CENPT: variants seen among roughly 807,000 people sequenced by gnomAD.
The protein encoded by CENPT is interphase centromere complex protein 22.
In CENPT, 42 loss-of-function variants were observed where a neutral mutation model predicts 59.7. The ratio of observed to expected loss-of-function variants is 0.70; its 90% CI spans 0.55 to 0.91. CENPT has a LOEUF of 0.91. CENPT is among the 40% of genes least tolerant of loss of function. CENPT has a pLI of 0.00. For synonymous variants in CENPT, 295 were observed against 289.6 expected, an observed-to-expected ratio of 1.02 and a Z score of -0.19; for missense variants, 716 against 713.4, an observed-to-expected ratio of 1.00 and a Z score of -0.04.
intron 10 of CENPT, 193 bp downstream of exon 10, chr16:67,831,023 G>T: frequency 1.4e-6 from 1 of 723,360 alleles, no homozygotes; most frequent in Non-Finnish European, 2.3e-6. Context: ...GGGGCCCTGG[G>T]AGACACCGAG....
intron 1 of CENPT, among the ~76,000 whole-genome samples, chr16:67,837,692 T>G (rs1437247356): frequency 1.3e-5 from 2 of 152,034 alleles, no homozygotes; most frequent in African/African-American, 4.8e-5. Context: ...AGAGTGAGAC[T>G]CCGTCTCAAA....
chr16:67,840,560 A>G (rs1377855041), intron 1 of CENPT, among the ~76,000 whole-genome samples: 5 of 151,452 alleles, frequency 3.3e-5, no homozygotes, highest in Non-Finnish European at 7.4e-5. Flanking sequence ...AACACAAAGA[A>G]GACAACAACA....
intron 3 of CENPT, among the ~76,000 whole-genome samples, chr16:67,834,951 C>T (rs1198446833): frequency 6.6e-6 from 1 of 152,144 alleles, no homozygotes; most frequent in African/African-American, 2.4e-5. Context: ...AAGCGATTCT[C>T]CTGCCTCAGC....
At chr16:67,836,942 C>T (rs544539022) in intron 1 of CENPT, among the ~76,000 whole-genome samples, 8 of 152,216 alleles carry the variant, frequency 5.3e-5, no homozygotes, top group South Asian at 4.1e-4. Context: ...GGGGTTTCAC[C>T]GTGTTAGCCA....
In CENPT at chr16:67,828,652, G is replaced by A. The variant is rs1035757868; in HGVS notation, c.1457+15C>T. On this transcript the variant is annotated intron_variant, in intron 14 of 15. Coordinates refer to ENST00000562787, the MANE Select transcript of CENPT (RefSeq NM_025082.4). ...CGAGGGGTTCCTCTCCCTACCCCAT[G>A]TGCCCAGGACTCACCACTTCTCCAC... 1 of 1,614,132 alleles carries A rather than the reference G, an allele frequency of 6.2e-7. No homozygotes were observed. The highest frequency in any genetic ancestry group is 1.7e-5 in the Admixed American group (1 of 60,024).
chr16:67,846,238 C>G (rs1446915605), intron 1 of CENPT, among the ~76,000 whole-genome samples: 1 of 152,260 alleles, frequency 6.6e-6, no homozygotes, highest in Non-Finnish European at 1.5e-5. Flanking sequence ...AAACACTTAG[C>G]TGCTCTATCT....
chr16:67,847,009 G>A (rs2151291448), intron 1 of CENPT: 2 of 151,976 alleles, frequency 1.3e-5, no homozygotes, highest in African/African-American at 4.8e-5. Context: ...CCAGCACGCC[G>A]GGGCGGGGGC....
intron 8 of CENPT, 68 bp downstream of exon 8, chr16:67,831,686 T>G (rs1462979517): frequency 2.5e-6 from 4 of 1,603,872 alleles, no homozygotes; most frequent in Non-Finnish European, 3.4e-6. Context: ...GGGCCCTCTC[T>G]CAGGACTCCT....
At position 67,828,171 on chromosome 16, in the gene CENPT, CT is replaced by C; in HGVS notation, c.*95del. 6.7e-7 allele frequency: 1 copy of C among 1,484,490 alleles called. No homozygotes were observed. The highest frequency in any genetic ancestry group is 1.3e-5 in the South Asian group (1 of 74,116). 92.0% of individuals were successfully genotyped at this position (1,484,490 alleles called of 1,614,324 possible). A position where few individuals can be genotyped will look rare whatever the true frequency, so the allele number is the denominator to read the frequency against. On this transcript the variant is annotated 3_prime_UTR_variant, in exon 16 of 16. Coordinates refer to ENST00000562787, the MANE Select transcript of CENPT (RefSeq NM_025082.4). ...AATGCAGAATATTCTGTTTATGACA[CT>C]TTATTGATGCTGGGGGGGTGGGGAG...
chr16:67,831,670 C>T (rs2057690058), intron 8 of CENPT, 58 bp from the exon 9 acceptor site: 19 of 1,609,562 alleles, frequency 1.2e-5, no homozygotes, highest in Non-Finnish European at 1.5e-5. Flanking sequence ...TGATCCAGGC[C>T]TGTGAGGGCC....
In CENPT at chr16:67,828,725, A is replaced by C; in HGVS notation, c.1399T>G (p.Phe467Val). 6.2e-7 allele frequency: 1 copy of C among 1,614,130 alleles called. No homozygotes were observed. The highest frequency in any genetic ancestry group is 8.5e-7 in the Non-Finnish European group (1 of 1,179,994). The change falls in exon 14 of 16, where the codon TTT becomes GTT. Residue 467 changes from phenylalanine to valine, a missense_variant. Coordinates refer to ENST00000562787, the MANE Select transcript of CENPT (RefSeq NM_025082.4). ...ATGGGCATCTTGGCATAGAAGCTAA[A>C]GAGTTTCACATAGTGGCTCAGTCCA... is the stretch of plus-strand genomic sequence containing the variant. ...KAGLSHYVKL[F>V]SFYAKMPMER...
At chr16:67,840,957 C>T (rs572831793) in intron 1 of CENPT, among the ~76,000 whole-genome samples, 1 of 148,042 alleles carries the variant, frequency 6.8e-6, no homozygotes, top group Non-Finnish European at 1.5e-5. Flanking sequence ...CTCACGAGTT[C>T]GAGACCAGCC....
intron 1 of CENPT, among the ~76,000 whole-genome samples, chr16:67,846,292 T>C (rs1012951416): frequency 6.6e-6 from 1 of 152,270 alleles, no homozygotes; most frequent in Non-Finnish European, 1.5e-5. Context: ...GACCCCTGAC[T>C]GTAGAAGTTT....
In CENPT at chr16:67,842,355, G is replaced by A. The variant is rs1200213750; in HGVS notation, c.-492+5046C>T. 2 of 214,236 alleles carry A rather than the reference G, an allele frequency of 9.3e-6. No individual in the cohort carries two copies. Among genetic ancestry groups the A allele is most frequent in the Non-Finnish European group, 8.7e-6 (1 of 115,582 alleles). The allele number at this position is 214,236 out of a possible 1,614,324, so 13.3% of individuals were successfully genotyped here. A position where few individuals can be genotyped will look rare whatever the true frequency, so the allele number is the denominator to read the frequency against. Reference sequence around the variant, plus strand: ...CCCGAGCGCAGGCGGGCAGCCAGGCGGGCGGCGCGGCGCGGGCCGGCAGGA... The same window carrying A: ...CCCGAGCGCAGGCGGGCAGCCAGGCAGGCGGCGCGGCGCGGGCCGGCAGGA... On this transcript the variant is annotated intron_variant, in intron 1 of 15. Transcript: ENST00000562787. The surrounding 1 kb of genome is among the most constrained non-coding windows in gnomAD (Gnocchi z 4.9).
intron 1 of CENPT, among the ~76,000 whole-genome samples, chr16:67,840,538 T>C (rs1159546560): frequency 2.1e-5 from 3 of 142,518 alleles, no homozygotes; most frequent in African/African-American, 8.0e-5. Context: ...AGTTAAATGA[T>C]GAGAACTCAT....
In CENPT at chr16:67,842,773, G is replaced by C. The variant is rs780966663; in HGVS notation, c.-492+4628C>G. Reference sequence around the variant, plus strand: ...TCCAGGGCGGCCGCAAGACCTACACGGTACGCGTCCCCACCATCTTCCCGC... The same window carrying C: ...TCCAGGGCGGCCGCAAGACCTACACCGTACGCGTCCCCACCATCTTCCCGC... On this transcript the variant is annotated intron_variant, in intron 1 of 15. Transcript: ENST00000562787. The surrounding 1 kb of genome is among the most constrained non-coding windows in gnomAD (Gnocchi z 4.9). 1 of 1,610,724 alleles carries C rather than the reference G, an allele frequency of 6.2e-7. No individual in the cohort carries two copies. The highest frequency in any genetic ancestry group is 8.5e-7 in the Non-Finnish European group (1 of 1,178,824).
At chr16:67,833,598 T>C (rs897552494) in intron 4 of CENPT, 152 bp downstream of exon 4, 70 of 486,362 alleles carry the variant, frequency 1.4e-4, no homozygotes, top group Non-Finnish European at 2.1e-4. Flanking sequence ...AGTTTTCCTC[T>C]TCGAACAGAG....
In CENPT at chr16:67,834,082, CAA is replaced by C; in HGVS notation, c.-225_-224del. On this transcript the variant is annotated 5_prime_UTR_variant, in exon 4 of 16. The change abolishes the stop of an existing upstream ORF in the 5' untranslated region. Coordinates refer to ENST00000562787, the MANE Select transcript of CENPT (RefSeq NM_025082.4). Reference sequence around the variant, plus strand: ...CTCGGTTAATGTAATGCAAGCAGCCCAAGTCTTGGCTTCTTCATCTGTAAATT... The same window carrying C: ...CTCGGTTAATGTAATGCAAGCAGCCCGTCTTGGCTTCTTCATCTGTAAATT... 2.2e-6 allele frequency: 1 copy of C among 451,450 alleles called. No homozygotes were observed. The highest frequency in any genetic ancestry group is 3.9e-5 in the South Asian group (1 of 25,448). The allele number at this position is 451,450 out of a possible 1,614,324, so 28.0% of individuals were successfully genotyped here. A position where few individuals can be genotyped will look rare whatever the true frequency, so the allele number is the denominator to read the frequency against.
chr16:67,832,387 G>A, intron 5 of CENPT, 68 bp downstream of exon 5: 2 of 1,607,970 alleles, frequency 1.2e-6, no homozygotes, highest in South Asian at 1.1e-5. Context: ...CTCCAGAGCA[G>A]AGCTAGACCT....
Sources: allele counts gnomAD v4.1 joint callset (sites outside exome capture counted in the v4.1 genomes callset), GRCh38; gene constraint gnomAD v4.1.1; non-coding constraint Gnocchi (gnomAD v3.1); transcripts MANE v1.5; gene names NCBI Gene and HGNC (gene_info 2026-07-23, HGNC 2026-07-21).